Variants in SHC4 observed in about 807,000 individuals in gnomAD.
SHC4 encodes the protein SHC adaptor protein 4.
Under a neutral mutation model 69.4 loss-of-function variants are expected in SHC4, and 41 were observed. The ratio of observed to expected loss-of-function variants is 0.59; its 90% CI spans 0.46 to 0.77. SHC4 has a LOEUF of 0.77. SHC4 is among the 30% of genes least tolerant of loss of function. The probability of loss-of-function intolerance (pLI) is 0.00; values close to 1 mark genes in which losing one functional copy is unlikely to be tolerated. For missense variants in SHC4, 777 were observed against 783.8 expected, an observed-to-expected ratio of 0.99 and a Z score of 0.10; for synonymous variants, 318 against 299.3, an observed-to-expected ratio of 1.06 and a Z score of -0.64.
At chr15:48,884,598 A>G (rs956327825) in intron 3 of SHC4, among the ~76,000 whole-genome samples, 3 of 152,192 alleles carry the variant, frequency 2.0e-5, no homozygotes, top group Non-Finnish European at 4.4e-5. Flanking sequence ...GAACTTTCTC[A>G]TAGTTTCTCT....
Position 48,823,994 on chromosome 15 carries a change from A to T in SHC4, c.*1977T>A, listed in dbSNP as rs1406279739. 1.3e-5 allele frequency: 2 copies of T among 152,230 alleles called. No individual in the cohort carries two copies. Among genetic ancestry groups the T allele is most frequent in the Non-Finnish European group, 2.9e-5 (2 of 68,046 alleles). The allele number at this position is 152,230 out of a possible 1,614,324, so 9.4% of individuals were successfully genotyped here. A position where few individuals can be genotyped will look rare whatever the true frequency, so the allele number is the denominator to read the frequency against. ...ATTTACAGTCATTGCATCTATTTGT[A>T]TCAGGAACTCTTGCTACCAAGTTAA... On this transcript the variant is annotated 3_prime_UTR_variant, in exon 12 of 12. Transcript: ENST00000332408.
At chr15:48,929,619 G>A (rs1325297502) in intron 1 of SHC4, among the ~76,000 whole-genome samples, 1 of 152,162 alleles carries the variant, frequency 6.6e-6, no homozygotes, top group Admixed American at 6.5e-5. Context: ...CCCTCCCTTT[G>A]GTCTACCCAG....
chr15:48,934,580 C>G (rs1249496982), intron 1 of SHC4, among the ~76,000 whole-genome samples: 1 of 152,158 alleles, frequency 6.6e-6, no homozygotes, highest in Admixed American at 6.5e-5. Flanking sequence ...TATGACCCAG[C>G]AATTCCACTC....
intron 2 of SHC4, among the ~76,000 whole-genome samples, chr15:48,910,870 G>T (rs1421562425): frequency 6.6e-6 from 1 of 152,076 alleles, no homozygotes; most frequent in African/African-American, 2.4e-5. Context: ...GTATTTGCAG[G>T]GTTTTGAAGG....
At chr15:48,853,875 C>T (rs889546828) in intron 8 of SHC4, among the ~76,000 whole-genome samples, 4 of 152,020 alleles carry the variant, frequency 2.6e-5, no homozygotes, top group Non-Finnish European at 5.9e-5. Flanking sequence ...TGTAAGAATC[C>T]TAGAAGAAAA....
chr15:48,830,984 CCT>C (rs1431382863), intron 11 of SHC4, among the ~76,000 whole-genome samples: 4 of 152,046 alleles, frequency 2.6e-5, no homozygotes, highest in South Asian at 4.2e-4. Flanking sequence ...TGATCCTGCC[CCT>C]GTCTAGTGCT....
chr15:48,859,684 C>CT (rs147378657), intron 6 of SHC4, among the ~76,000 whole-genome samples: 27 of 152,216 alleles, frequency 1.8e-4, no homozygotes, highest in Non-Finnish European at 3.1e-4. Context: ...ATGAAATTGT[C>CT]TTTGAGTTTT....
intron 1 of SHC4, 64 bp from the exon 2 acceptor site, chr15:48,925,013 C>T: frequency 6.4e-7 from 1 of 1,555,404 alleles, no homozygotes; most frequent in Non-Finnish European, 8.8e-7. Flanking sequence ...CTCTTAGCTT[C>T]ACGGCAACTT....
At chr15:48,885,037 T>TA (rs926978967) in intron 3 of SHC4, among the ~76,000 whole-genome samples, 5 of 152,158 alleles carry the variant, frequency 3.3e-5, no homozygotes, top group Non-Finnish European at 5.9e-5. Flanking sequence ...AAATTACTAA[T>TA]AGAGATTTAG....
At chr15:48,942,138 A>G (rs1387030222) in intron 1 of SHC4, among the ~76,000 whole-genome samples, 2 of 152,140 alleles carry the variant, frequency 1.3e-5, no homozygotes, top group Non-Finnish European at 2.9e-5. Context: ...GGTCATCATG[A>G]TCAGAGCTAG....
rs1222596995 is a variant in SHC4, at chr15:48,907,544, TTCTA to T, written c.657-16737_657-16734del. On this transcript the variant is annotated intron_variant, in intron 2 of 11. Transcript: ENST00000332408. ...TATACACTGCACCATACTTATAGTC[TTCTA>T]TCTCTCATCCCCTCCCTCCCTTCCC... 2.0e-5 allele frequency among the ~76,000 whole-genome samples: 3 copies of T among 152,040 alleles called. No homozygotes were observed. The East Asian group carries it at 5.8e-4, about 29-fold the overall frequency.
chr15:48,963,022 G>C lies in SHC4; in HGVS notation c.-7C>G. The C allele has an allele frequency of 1.3e-6, 2 of 1,598,094 alleles. No homozygotes were observed. The highest frequency in any genetic ancestry group is 1.7e-6 in the Non-Finnish European group (2 of 1,171,246). On this transcript the variant is annotated 5_prime_UTR_variant, in exon 1 of 12. Coordinates refer to ENST00000332408, the MANE Select transcript of SHC4 (RefSeq NM_203349.4). ...CCTGGCCGCGTTCTCGCATAGCCTT[G>C]GCAGTGCTGAAACAGGATACTGTTG...
At chr15:48,863,635 A>G (rs1899496239) in intron 6 of SHC4, among the ~76,000 whole-genome samples, 1 of 152,332 alleles carries the variant, frequency 6.6e-6, no homozygotes, top group South Asian at 2.1e-4. Context: ...GCTCTTTAAA[A>G]TGTTTGAATC....
intron 2 of SHC4, among the ~76,000 whole-genome samples, chr15:48,914,156 C>T (rs1049112162): frequency 1.3e-5 from 2 of 152,248 alleles, no homozygotes; most frequent in Admixed American, 6.5e-5. Flanking sequence ...CCACCGCGCC[C>T]GGCGCGACAT....
chr15:48,950,299 G>A (rs1189508030), intron 1 of SHC4, among the ~76,000 whole-genome samples: 1 of 147,810 alleles, frequency 6.8e-6, no homozygotes, highest in South Asian at 2.1e-4. Context: ...ATTCCCTATG[G>A]TTAAACTTCT....
intron 10 of SHC4, among the ~76,000 whole-genome samples, chr15:48,835,864 A>G (rs1898888420): frequency 6.6e-6 from 1 of 152,078 alleles, no homozygotes. Flanking sequence ...TCTCAAAATT[A>G]GACAGCAAGG....
chr15:48,935,314 C>T (rs1240263480), intron 1 of SHC4, among the ~76,000 whole-genome samples: 1 of 152,154 alleles, frequency 6.6e-6, no homozygotes, highest in Non-Finnish European at 1.5e-5. Context: ...ACACCTTTGT[C>T]ACACCCCTAG....
At chr15:48,957,021 A>G (rs1197200807) in intron 1 of SHC4, among the ~76,000 whole-genome samples, 1 of 117,012 alleles carries the variant, frequency 8.5e-6, no homozygotes, top group African/African-American at 3.4e-5. Context: ...TCTGTCGCCC[A>G]GGCTGCAGTG....
At chr15:48,942,482 T>TA (rs891528748) in intron 1 of SHC4, among the ~76,000 whole-genome samples, 79 of 146,868 alleles carry the variant, frequency 5.4e-4, no homozygotes, top group Non-Finnish European at 6.6e-4. Flanking sequence ...TTGTATTCTT[T>TA]AAAAAAAAAA....
Sources: allele counts gnomAD v4.1 joint callset (sites outside exome capture counted in the v4.1 genomes callset), GRCh38; gene constraint gnomAD v4.1.1; transcripts MANE v1.5; gene names NCBI Gene and HGNC (gene_info 2026-07-23, HGNC 2026-07-21).